The following DHRS4L2 variants were observed in gnomAD, a reference collection of about 807,000 sequenced individuals.
The protein encoded by DHRS4L2 is dehydrogenase/reductase 4 like 2, also known as dehydrogenase/reductase SDR family member 4-like 2.
DHRS4L2 carries 22 observed loss-of-function variants against 23.9 expected under a neutral mutation model. The ratio of observed to expected loss-of-function variants is 0.92; its 90% CI spans 0.66 to 1.31. The LOEUF is 1.31. Among genes scored for constraint, DHRS4L2 ranks in the 40% most tolerant of loss-of-function variants. The pLI is 0.00. For missense variants in DHRS4L2, 385 were observed against 303.3 expected, an observed-to-expected ratio of 1.27 and a Z score of -2.00; for synonymous variants, 141 against 123.7, an observed-to-expected ratio of 1.14 and a Z score of -0.93.
intron 6 of DHRS4L2, 30 bp downstream of exon 6, chr14:24,001,547 G>A: frequency 6.3e-7 from 1 of 1,597,524 alleles, no homozygotes; most frequent in Non-Finnish European, 8.5e-7. Flanking sequence ...CATTTGACTG[G>A]GACCCCTTGA....
intron 6 of DHRS4L2, among the ~76,000 whole-genome samples, chr14:24,004,036 C>G (rs1414536274): frequency 4.7e-5 from 6 of 126,970 alleles, no homozygotes; most frequent in Non-Finnish European, 7.8e-5. Context: ...ATTGGGAGGC[C>G]GAGGCGGGCA....
At chr14:23,990,126 T>C in intron 1 of DHRS4L2, 56 bp from the exon 2 acceptor site, 2 of 1,600,030 alleles carry the variant, frequency 1.2e-6, no homozygotes, top group Non-Finnish European at 1.7e-6. Flanking sequence ...GAGCCCATGC[T>C]GTCGACCTCT....
At chr14:23,974,620 C>A (rs370401134) in intron 1 of DHRS4L2, among the ~76,000 whole-genome samples, 1 of 151,922 alleles carries the variant, frequency 6.6e-6, no homozygotes, top group Admixed American at 6.5e-5. Context: ...ACTATAAACA[C>A]CTCTATGCAA....
At position 23,988,932 on chromosome 14, in the gene DHRS4L2, C is replaced by T; in HGVS notation, c.-16C>T. On this transcript the variant is annotated 5_prime_UTR_variant, in exon 1 of 8. Coordinates refer to ENST00000335125, the MANE Select transcript of DHRS4L2 (RefSeq NM_198083.4). ...TCCGCTGGAAGGAGTGGAACCCAGA[C>T]TTGCTGGTCTGATCCATGCAGATGG... The T allele has an allele frequency of 6.2e-7, 1 of 1,611,272 alleles. No individual in the cohort carries two copies. The highest frequency in any genetic ancestry group is 8.5e-7 in the Non-Finnish European group (1 of 1,178,710).
rs1196149311 is a variant in DHRS4L2, at chr14:24,001,391, G to A, written c.539G>A (p.Ser180Asn). 6.2e-7 allele frequency: 1 copy of A among 1,607,010 alleles called. No homozygotes were observed. Among genetic ancestry groups the A allele is most frequent in the African/African-American group, 1.4e-5 (1 of 70,690 alleles). The change falls in exon 6 of 8, where the codon AGT becomes AAT. Residue 180 changes from serine to asparagine, a missense_variant. Coordinates refer to ENST00000335125, the MANE Select transcript of DHRS4L2 (RefSeq NM_198083.4). ...ATTCTCTTCTTTCTCCAGGGCTTCA[G>A]TCCTTACAATGTCAGTAAAACAGCC... ...IAAFSPSPGF[S>N]PYNVSKTALL...
chr14:23,974,028 C>G (rs1290523621), intron 1 of DHRS4L2, among the ~76,000 whole-genome samples: 1 of 151,524 alleles, frequency 6.6e-6, no homozygotes, highest in Non-Finnish European at 1.5e-5. Flanking sequence ...TGCCAAAGAA[C>G]AGCAATCACA....
chr14:23,999,341 T>C (rs1258818792), intron 3 of DHRS4L2, among the ~76,000 whole-genome samples: 1 of 110,376 alleles, frequency 9.1e-6, no homozygotes, highest in Non-Finnish European at 1.8e-5. Flanking sequence ...AAACTCCAAT[T>C]TGTAAAAAAA....
chr14:23,970,312 G>A (rs1448633857), exon 1 of DHRS4L2: 15 of 436,674 alleles, frequency 3.4e-5, no homozygotes, highest in Admixed American at 3.4e-4. Flanking sequence ...AGCATCCTCC[G>A]CTGGAGCTGG....
chr14:23,973,675 G>A (rs1456340125), intron 1 of DHRS4L2, among the ~76,000 whole-genome samples: 3 of 151,832 alleles, frequency 2.0e-5, no homozygotes, highest in Admixed American at 6.6e-5. Flanking sequence ...TAATGGTAAG[G>A]GGATCAGTTC....
intron 2 of DHRS4L2, among the ~76,000 whole-genome samples, chr14:23,993,820 T>C (rs953192985): frequency 2.0e-5 from 3 of 151,620 alleles, no homozygotes; most frequent in African/African-American, 7.3e-5. Context: ...TCTTCTCCCA[T>C]CATGGCTCTC....
intron 1 of DHRS4L2, among the ~76,000 whole-genome samples, chr14:23,975,549 C>T (rs917315302): frequency 1.9e-4 from 29 of 151,808 alleles, no homozygotes; most frequent in African/African-American, 7.0e-4. Flanking sequence ...CAAGCTACCA[C>T]TGACTTTCCT....
chr14:24,006,247 G>A lies in DHRS4L2; in HGVS notation c.*384G>A, dbSNP rs1566504136. On this transcript the variant is annotated 3_prime_UTR_variant, in exon 8 of 8. Transcript: ENST00000335125. ...AGGACAGGCCTGCTGACAAGGCTGA[G>A]TCTACCTTGGCAAAGACCAAGATAT... 2.1e-5 allele frequency: 11 copies of A among 524,448 alleles called. No individual in the cohort carries two copies. Among genetic ancestry groups the A allele is most frequent in the African/African-American group, 2.0e-5 (1 of 50,104 alleles). 32.5% of individuals were successfully genotyped at this position (524,448 alleles called of 1,614,324 possible). A position where few individuals can be genotyped will look rare whatever the true frequency, so the allele number is the denominator to read the frequency against.
intron 7 of DHRS4L2, among the ~76,000 whole-genome samples, chr14:24,005,633 T>G (rs1395325046): frequency 6.6e-6 from 1 of 152,014 alleles, no homozygotes; most frequent in East Asian, 1.9e-4. Context: ...TGTCCTGAGC[T>G]CTCTAAAAAC....
upstream of DHRS4L2, among the ~76,000 whole-genome samples, chr14:23,986,480 A>G (rs910465832): frequency 6.7e-6 from 1 of 149,858 alleles, no homozygotes; most frequent in Admixed American, 6.6e-5. Context: ...CACGTTGTAC[A>G]CGTGCACCCT....
chr14:23,970,896 G>A (rs2033842667), intron 1 of DHRS4L2, among the ~76,000 whole-genome samples: 1 of 152,026 alleles, frequency 6.6e-6, no homozygotes, highest in African/African-American at 2.4e-5. Flanking sequence ...CTGTTAGAAG[G>A]AAAACTAACA....
At chr14:23,980,859 G>T (rs1380900206) in intron 1 of DHRS4L2, among the ~76,000 whole-genome samples, 1 of 151,604 alleles carries the variant, frequency 6.6e-6, no homozygotes, top group African/African-American at 2.4e-5. Context: ...TACTGAGTGG[G>T]CAAAAGCTGG....
In DHRS4L2 at chr14:24,005,873, C is replaced by A. The variant is rs186823944; in HGVS notation, c.*23-13C>A. ...TGATTTTTACCTCCTTCCTTGCTTC[C>A]CTTATTCCCCAGGTTAGGCGAGCCA... On this transcript the variant is annotated splice_polypyrimidine_tract_variant and intron_variant, in intron 7 of 7. Transcript: ENST00000335125. 59 of 1,609,806 alleles carry A rather than the reference C, an allele frequency of 3.7e-5. No homozygotes were observed. The Middle Eastern group carries it at 4.6e-3, about 126-fold the overall frequency.
At chr14:23,997,917 C>T (rs1364041250) in intron 3 of DHRS4L2, among the ~76,000 whole-genome samples, 4 of 151,778 alleles carry the variant, frequency 2.6e-5, no homozygotes, top group African/African-American at 4.8e-5. Flanking sequence ...GTTAACTTTG[C>T]CAACATCCAT....
Position 24,005,842 on chromosome 14 carries a change from C to T in DHRS4L2, c.*23-44C>T, listed in dbSNP as rs867477783. 1.5e-5 allele frequency: 24 copies of T among 1,608,938 alleles called. 1 individual carries two copies. The highest frequency in any genetic ancestry group is 2.0e-5 in the Non-Finnish European group (23 of 1,177,750). ...CCGTGTCCCAGGTGAGGGAGGCAGA[C>T]CCGTTTGATTTTTACCTCCTTCCTT... On this transcript the variant is annotated intron_variant, in intron 7 of 7. Transcript: ENST00000335125.
Sources: gnomAD v4.1 joint callset for allele counts (sites outside exome capture counted in the v4.1 genomes callset) on GRCh38, gnomAD v4.1.1 for gene constraint, MANE v1.5 for transcripts, NCBI Gene and HGNC (gene_info 2026-07-23, HGNC 2026-07-21) for gene names.